The following SBK1 variants were observed in gnomAD, a reference collection of about 807,000 sequenced individuals.
SBK1 encodes the protein SH3 domain binding kinase 1, also known as serine/threonine-protein kinase SBK1.
Under a neutral mutation model 24.4 loss-of-function variants are expected in SBK1, and 11 were observed. That is an observed-to-expected ratio of 0.45 (90% CI 0.28 to 0.75). The LOEUF is 0.75. SBK1 is among the 30% of genes least tolerant of loss of function. The pLI is 0.12. For synonymous variants in SBK1, 308 were observed against 284.4 expected, an observed-to-expected ratio of 1.08 and a Z score of -0.83; for missense variants, 467 against 620.5, an observed-to-expected ratio of 0.75 and a Z score of 2.63.
chr16:28,275,877 C>T (rs557255506), intron 1 of SBK1, among the ~76,000 whole-genome samples: 7 of 150,948 alleles, frequency 4.6e-5, no homozygotes, highest in African/African-American at 1.7e-4. Context: ...AGAGGAAGAC[C>T]CTGTCTCAAA....
At chr16:28,270,052 T>C (rs966817506) in intron 1 of SBK1, among the ~76,000 whole-genome samples, 2 of 152,074 alleles carry the variant, frequency 1.3e-5, no homozygotes, top group Non-Finnish European at 2.9e-5. Context: ...GACAATGAAC[T>C]ATGTTTTTTC....
intron 1 of SBK1, among the ~76,000 whole-genome samples, chr16:28,315,659 G>A (rs937611674): frequency 6.6e-6 from 1 of 152,186 alleles, no homozygotes; most frequent in African/African-American, 2.4e-5. Flanking sequence ...TACTCAGGAG[G>A]CTGAGGCAGG....
At chr16:28,270,031 G>A (rs1567669839) in intron 1 of SBK1, among the ~76,000 whole-genome samples, 1 of 152,046 alleles carries the variant, frequency 6.6e-6, no homozygotes, top group Non-Finnish European at 1.5e-5. Flanking sequence ...CAGCAATCCT[G>A]GAAACGAGAA....
intron 1 of SBK1, among the ~76,000 whole-genome samples, chr16:28,315,421 G>T (rs2044787936): frequency 6.6e-6 from 1 of 152,088 alleles, no homozygotes. Context: ...GGGAAATAAA[G>T]AAATGAAGGC....
intron 1 of SBK1, among the ~76,000 whole-genome samples, chr16:28,311,715 TTAAAG>T (rs1239196197): frequency 6.7e-6 from 1 of 149,752 alleles, no homozygotes; most frequent in African/African-American, 2.4e-5. Context: ...AAAAAAAGAA[TTAAAG>T]TAAATAAGTG....
chr16:28,323,248 C>G lies in SBK1; in HGVS notation c.*2327C>G, dbSNP rs1428827954. 1 of 150,612 alleles carries G rather than the reference C, an allele frequency of 6.6e-6. No individual in the cohort carries two copies. Among genetic ancestry groups the G allele is most frequent in the East Asian group, 1.9e-4 (1 of 5,240 alleles). 9.3% of individuals were successfully genotyped at this position (150,612 alleles called of 1,614,324 possible). A position where few individuals can be genotyped will look rare whatever the true frequency, so the allele number is the denominator to read the frequency against. On this transcript the variant is annotated 3_prime_UTR_variant, in exon 4 of 4. Coordinates refer to ENST00000341901, the MANE Select transcript of SBK1 (RefSeq NM_001024401.3). ...AGAGGTGTTGGTCACAGATGTTTACCTCAGTTTATGTCACTGTCGAAGAAA... is the reference window on the plus strand; with the variant it reads ...AGAGGTGTTGGTCACAGATGTTTACGTCAGTTTATGTCACTGTCGAAGAAA...
intron 1 of SBK1, among the ~76,000 whole-genome samples, chr16:28,271,489 G>A (rs1346573714): frequency 1.3e-5 from 2 of 152,178 alleles, no homozygotes; most frequent in Middle Eastern, 3.4e-3. Context: ...CCTGGGAGGC[G>A]GAGGTTGCAG....
intron 1 of SBK1, among the ~76,000 whole-genome samples, chr16:28,277,679 A>T (rs2044502483): frequency 1.3e-5 from 2 of 152,100 alleles, no homozygotes; most frequent in South Asian, 4.1e-4. Flanking sequence ...TTTAAAAGGT[A>T]CTCTGGGGCT....
At chr16:28,279,244 C>T (rs1407349136) in intron 1 of SBK1, among the ~76,000 whole-genome samples, 5 of 150,620 alleles carry the variant, frequency 3.3e-5, no homozygotes, top group Non-Finnish European at 7.4e-5. Context: ...TAAAAAACAC[C>T]ATCACACAGC....
At chr16:28,295,027 T>G (rs943376363) in intron 1 of SBK1, among the ~76,000 whole-genome samples, 1 of 152,184 alleles carries the variant, frequency 6.6e-6, no homozygotes, top group East Asian at 1.9e-4. Flanking sequence ...CCAGGTTTGC[T>G]CTACCCATTG....
chr16:28,317,705 G>C lies in SBK1; in HGVS notation c.226+88G>C, dbSNP rs2044808162. 1 of 913,810 alleles carries C rather than the reference G, an allele frequency of 1.1e-6. No homozygotes were observed. The highest frequency in any genetic ancestry group is 1.6e-5 in the African/African-American group (1 of 61,298). The allele number at this position is 913,810 out of a possible 1,614,324, so 56.6% of individuals were successfully genotyped here. ...TTGGGGGACATGACCTTGCAGCTGG[G>C]CCGGGGCTCTCTGGTGCTCTGTGGA... is the stretch of plus-strand genomic sequence containing the variant. On this transcript the variant is annotated intron_variant, in intron 2 of 3. Coordinates refer to ENST00000341901, the MANE Select transcript of SBK1 (RefSeq NM_001024401.3). This position sits in a 1 kb window ranked among gnomAD's most constrained non-coding sequence, Gnocchi z 4.2.
In SBK1 at chr16:28,322,941, T is replaced by G. The variant is rs751930270; in HGVS notation, c.*2020T>G. The G allele has an allele frequency of 1.9e-4, 14 of 72,682 alleles. No homozygotes were observed. The highest frequency in any genetic ancestry group is 1.1e-3 in the East Asian group (3 of 2,774). 4.5% of individuals were successfully genotyped at this position (72,682 alleles called of 1,614,324 possible). On this transcript the variant is annotated 3_prime_UTR_variant, in exon 4 of 4. Coordinates refer to ENST00000341901, the MANE Select transcript of SBK1 (RefSeq NM_001024401.3). ...CGCGCTCTCTCTCTCCCTCTCTCTC[T>G]CTCTCTCTCTCTCTCTCTCTCTCTC...
intron 1 of SBK1, among the ~76,000 whole-genome samples, chr16:28,263,175 A>G (rs546519862): frequency 1.4e-4 from 21 of 152,334 alleles, no homozygotes; most frequent in African/African-American, 5.1e-4. Flanking sequence ...CAATGTTCTC[A>G]TTCATTCATT....
intron 1 of SBK1, among the ~76,000 whole-genome samples, chr16:28,275,131 GCCTGGGCAATATAGTGAGAC>G (rs1238721344): frequency 2.0e-5 from 3 of 152,130 alleles, no homozygotes; most frequent in Non-Finnish European, 4.4e-5. Flanking sequence ...TTCGAAACCA[GCCTGGGCAATATAGTGAGAC>G]CCTCCCCCAT....
At position 28,317,473 on chromosome 16, in the gene SBK1, G is replaced by A. The variant is rs769357637; in HGVS notation, c.82G>A (p.Gly28Ser). Residue 28 changes from glycine (G) to serine (S), a missense_variant, in exon 2 of 4, where the codon GGT becomes AGT. Gly to Ser is a moderately conservative substitution (Grantham distance 56, BLOSUM62 0). Coordinates refer to ENST00000341901, the MANE Select transcript of SBK1 (RefSeq NM_001024401.3). This position sits in a 1 kb window ranked among gnomAD's most constrained non-coding sequence, Gnocchi z 4.2. Reference sequence around the variant, plus strand: ...GGGGACTGCCCCTGGGCCTGGTGCCGGTGTGCCCCTTCTCACTGAAGACAT... The same window carrying A: ...GGGGACTGCCCCTGGGCCTGGTGCCAGTGTGCCCCTTCTCACTGAAGACAT... ...GPGTAPGPGA[G>S]VPLLTEDMQA... The A allele has an allele frequency of 3.7e-5, 59 of 1,613,988 alleles. No individual in the cohort carries two copies. In the Middle Eastern group the frequency reaches 4.9e-4, roughly 13 times the overall value.
chr16:28,282,445 G>A (rs1007796778), intron 1 of SBK1, among the ~76,000 whole-genome samples: 3 of 152,112 alleles, frequency 2.0e-5, no homozygotes, highest in African/African-American at 7.2e-5. Context: ...GCCTTCCTCC[G>A]GGAAGCCCCC....
In SBK1 at chr16:28,320,458, G is replaced by T. The variant is rs200502654; in HGVS notation, c.812G>T (p.Arg271Leu). ...TTCGAGGAGTTCGTGCGCTGGCAGC[G>T]GGGCCGCCTGCCGGGGCTGCCTTCG... ...AFFEEFVRWQ[R>L]GRLPGLPSQW... Residue 271 changes from arginine to leucine, a missense_variant, in exon 4 of 4, where the codon CGG becomes CTG. By Grantham distance (102) the Arg-to-Leu change is moderately radical. Transcript: ENST00000341901. This position sits in a 1 kb window ranked among gnomAD's most constrained non-coding sequence, Gnocchi z 8.5. 60 of 1,576,264 alleles carry T rather than the reference G, an allele frequency of 3.8e-5. No homozygotes were observed. Among genetic ancestry groups the T allele is most frequent in the Middle Eastern group, 1.7e-4 (1 of 5,936 alleles).
Position 28,321,069 on chromosome 16 carries a change from C to T in SBK1, c.*148C>T, listed in dbSNP as rs138676840. ...GGACGCGGCCCGGCACCTGGTCCGT[C>T]CCCGGCGGGCTGGTGAGGGGGCCAC... On this transcript the variant is annotated 3_prime_UTR_variant, in exon 4 of 4. Coordinates refer to ENST00000341901, the MANE Select transcript of SBK1 (RefSeq NM_001024401.3). The T allele has an allele frequency of 0.013, 9,643 of 741,326 alleles. 126 individuals are homozygous for T. Among genetic ancestry groups the T allele is most frequent in the African/African-American group, 0.044 (2,283 of 51,974 alleles). 45.9% of individuals were successfully genotyped at this position (741,326 alleles called of 1,614,324 possible).
intron 1 of SBK1, among the ~76,000 whole-genome samples, chr16:28,315,810 G>C (rs2044790966): frequency 6.6e-6 from 1 of 152,140 alleles, no homozygotes; most frequent in Non-Finnish European, 1.5e-5. Flanking sequence ...CTGTCGCCCA[G>C]GCTGGAATGC....
Sources: allele counts gnomAD v4.1 joint callset (sites outside exome capture counted in the v4.1 genomes callset), GRCh38; gene constraint gnomAD v4.1.1; non-coding constraint Gnocchi (gnomAD v3.1); transcripts MANE v1.5; gene names NCBI Gene and HGNC (gene_info 2026-07-23, HGNC 2026-07-21).